Variants in ADGRL2 observed in about 807,000 individuals in gnomAD.
ADGRL2 encodes the protein calcium-independent alpha-latrotoxin receptor 2.
ADGRL2 carries 44 observed loss-of-function variants against 157.4 expected under a neutral mutation model. That is an observed-to-expected ratio of 0.28 (90% confidence interval 0.22 to 0.36). The LOEUF (loss-of-function observed/expected upper bound fraction) is 0.36. ADGRL2 is among the 10% of genes least tolerant of loss of function. The probability of loss-of-function intolerance (pLI) is 1.00; values close to 1 mark genes in which losing one functional copy is unlikely to be tolerated. For missense variants in ADGRL2, 1,510 were observed against 1,768.9 expected (o/e 0.85, Z 2.63); for synonymous variants, 585 against 624.7 (o/e 0.94, Z 0.95).
intron 2 of ADGRL2, among the ~76,000 whole-genome samples, chr1:81,549,288 A>G (rs2080089349): frequency 6.6e-6 from 1 of 152,210 alleles, no homozygotes; most frequent in Admixed American, 6.5e-5. Flanking sequence ...AAACTTTTGA[A>G]AATATGGAAA....
intron 1 of ADGRL2, among the ~76,000 whole-genome samples, chr1:81,824,294 A>G (rs982658282): frequency 6.6e-6 from 1 of 152,218 alleles, no homozygotes; most frequent in Non-Finnish European, 1.5e-5. Context: ...TTATTTATAG[A>G]CAAGGTCTTT....
chr1:81,414,855 G>A (rs2077007098), intron 1 of ADGRL2, among the ~76,000 whole-genome samples: 1 of 152,072 alleles, frequency 6.6e-6, no homozygotes, highest in Non-Finnish European at 1.5e-5. Context: ...TTTATAATTC[G>A]ATTTCACTCT....
intron 1 of ADGRL2, among the ~76,000 whole-genome samples, chr1:81,720,126 T>TA (rs560056758): frequency 1.2e-4 from 18 of 151,846 alleles, no homozygotes; most frequent in African/African-American, 3.4e-4. Context: ...ACAGACATTT[T>TA]AAAAAAAGTA....
Position 81,565,107 on chromosome 1 carries a change from C to T in ADGRL2, c.-247-15769C>T, listed in dbSNP as rs1203334098. Reference sequence around the variant, plus strand: ...AAGGTGGGTTCTGAAATCTTCTGACCGCATTTACAGATACATCTCAAAGAC... The same window carrying T: ...AAGGTGGGTTCTGAAATCTTCTGACTGCATTTACAGATACATCTCAAAGAC... On this transcript the variant is annotated intron_variant, in intron 2 of 24. Coordinates refer to the ADGRL2 transcript ENST00000370721. Among the ~76,000 whole-genome samples the T allele has an allele frequency of 5.9e-5, 9 of 152,018 alleles. No homozygotes were observed. In the East Asian group the frequency reaches 7.7e-4, roughly 13 times the overall value.
At chr1:81,807,036 T>C (rs2089248865) in intron 1 of ADGRL2, among the ~76,000 whole-genome samples, 1 of 152,046 alleles carries the variant, frequency 6.6e-6, no homozygotes, top group South Asian at 2.1e-4. Context: ...TAATATATTT[T>C]GCAAATAAAA....
At chr1:81,549,053 C>A (rs1218997018) in intron 2 of ADGRL2, among the ~76,000 whole-genome samples, 1 of 152,346 alleles carries the variant, frequency 6.6e-6, no homozygotes, top group South Asian at 2.1e-4. Flanking sequence ...AATGAGCCCT[C>A]TCCCATGTTT....
intron 1 of ADGRL2, among the ~76,000 whole-genome samples, chr1:81,356,780 C>G: frequency 6.6e-6 from 1 of 151,714 alleles, no homozygotes; most frequent in East Asian, 2.0e-4. Context: ...GGTGAAACCC[C>G]GTCTCTACTA....
At chr1:81,406,893 G>A (rs905553055) in intron 1 of ADGRL2, among the ~76,000 whole-genome samples, 1 of 152,146 alleles carries the variant, frequency 6.6e-6, no homozygotes, top group Non-Finnish European at 1.5e-5. Flanking sequence ...ACGAGGGAGT[G>A]TTGAATGGAA....
chr1:81,393,513 C>T (rs145921861), intron 1 of ADGRL2, among the ~76,000 whole-genome samples: 6 of 152,296 alleles, frequency 3.9e-5, no homozygotes, highest in Admixed American at 6.5e-5. Context: ...GCCAGCTTAA[C>T]TTTCTGGTAA....
intron 1 of ADGRL2, among the ~76,000 whole-genome samples, chr1:81,365,339 C>T (rs572403242): frequency 1.3e-5 from 2 of 152,188 alleles, no homozygotes; most frequent in African/African-American, 2.4e-5. Flanking sequence ...TAAAAAGTTG[C>T]CAAAGTGTAG....
At chr1:81,621,314 G>A (rs1051751791) in intron 3 of ADGRL2, among the ~76,000 whole-genome samples, 2 of 152,114 alleles carry the variant, frequency 1.3e-5, no homozygotes, top group African/African-American at 4.8e-5. Context: ...CCAGTGTTAC[G>A]ACCTCTCTCT....
chr1:81,680,191 C>G (rs969299338), intron 3 of ADGRL2, among the ~76,000 whole-genome samples: 4 of 152,148 alleles, frequency 2.6e-5, no homozygotes, highest in Non-Finnish European at 5.9e-5. Context: ...GATCGGCAGC[C>G]CTTTGTTACA....
chr1:81,598,260 A>G (rs1488453960), intron 3 of ADGRL2, among the ~76,000 whole-genome samples: 1 of 152,224 alleles, frequency 6.6e-6, no homozygotes. Flanking sequence ...CACAGCTAAT[A>G]TTGGCAAGAC....
At chr1:81,904,872 G>T (rs189905871) in intron 2 of ADGRL2, among the ~76,000 whole-genome samples, 160 of 152,110 alleles carry the variant, frequency 1.1e-3, no homozygotes, top group Non-Finnish European at 1.8e-3. Context: ...CTGTCTCGGG[G>T]TGGGGGCAGG....
At chr1:81,485,770 A>G (rs1259546346) in intron 2 of ADGRL2, among the ~76,000 whole-genome samples, 1 of 152,176 alleles carries the variant, frequency 6.6e-6, no homozygotes, top group Non-Finnish European at 1.5e-5. Context: ...AGAGAGAGCC[A>G]GATCCACTCA....
intron 1 of ADGRL2, among the ~76,000 whole-genome samples, chr1:81,398,217 G>GT (rs752592192): frequency 6.6e-6 from 1 of 151,788 alleles, no homozygotes; most frequent in East Asian, 1.9e-4. Context: ...AGTGACATAA[G>GT]TTTTTTTGCA....
At chr1:81,414,156 CCTTT>C (rs951696951) in intron 1 of ADGRL2, 5 of 137,748 alleles carry the variant, frequency 3.6e-5, no homozygotes, top group Non-Finnish European at 8.5e-5. Context: ...ACACACTTCA[CCTTT>C]CTTTCTTCAG....
intron 2 of ADGRL2, among the ~76,000 whole-genome samples, chr1:81,879,112 T>TCAATAAA: frequency 6.6e-6 from 1 of 152,182 alleles, no homozygotes. Context: ...ATAAAAAGAT[T>TCAATAAA]AGTTTAGAGA....
At chr1:81,665,545 T>C (rs1427758827) in intron 3 of ADGRL2, among the ~76,000 whole-genome samples, 3 of 152,148 alleles carry the variant, frequency 2.0e-5, no homozygotes. Flanking sequence ...AGAGTTGACA[T>C]TGGGTCTCCT....
Sources: gnomAD v4.1 joint callset for allele counts (sites outside exome capture counted in the v4.1 genomes callset) on GRCh38, gnomAD v4.1.1 for gene constraint, MANE v1.5 for transcripts, NCBI Gene and HGNC (gene_info 2026-07-23, HGNC 2026-07-21) for gene names.